EYS: variants seen among roughly 807,000 people sequenced by gnomAD.
The protein encoded by EYS is EGF-like photoreceptor maintenance factor.
Under a neutral mutation model 282.1 loss-of-function variants are expected in EYS, and 250 were observed. That is an observed-to-expected ratio of 0.89 (90% confidence interval 0.80 to 0.98). EYS has a LOEUF of 0.98. Ranked by LOEUF, EYS falls within the 50% of genes least tolerant of loss-of-function variation. EYS has a pLI of 0.00. For synonymous variants in EYS, 1,355 were observed against 1,282.9 expected (o/e 1.06, Z -1.20); for missense variants, 4,016 against 3,709.0 (o/e 1.08, Z -2.15).
chr6:64,289,815 G>C (rs910937552), intron 30 of EYS, among the ~76,000 whole-genome samples: 16 of 152,058 alleles, frequency 1.1e-4, no homozygotes, highest in African/African-American at 3.6e-4. Context: ...GTCATTTCTT[G>C]CTGGGGCTGA....
chr6:63,755,760 T>C (rs1769463837), intron 41 of EYS, among the ~76,000 whole-genome samples: 1 of 152,220 alleles, frequency 6.6e-6, no homozygotes, highest in Admixed American at 6.5e-5. Flanking sequence ...TTCCTACCCA[T>C]GAGCATGGAA....
At chr6:63,748,720 T>C (rs1769269853) in intron 41 of EYS, among the ~76,000 whole-genome samples, 2 of 152,108 alleles carry the variant, frequency 1.3e-5, no homozygotes, top group Non-Finnish European at 2.9e-5. Flanking sequence ...CTTGGGTGGG[T>C]GTATGTATCC....
intron 31 of EYS, among the ~76,000 whole-genome samples, chr6:64,175,477 C>T (rs1764599852): frequency 6.6e-6 from 1 of 152,134 alleles, no homozygotes; most frequent in Non-Finnish European, 1.5e-5. Flanking sequence ...TTCATTTTGC[C>T]CAACTGCTTC....
intron 2 of EYS, among the ~76,000 whole-genome samples, chr6:65,595,241 T>G (rs978853496): frequency 2.0e-5 from 3 of 152,020 alleles, no homozygotes. Flanking sequence ...ACACCACATG[T>G]TCTCACTCAT....
intron 1 of EYS, among the ~76,000 whole-genome samples, chr6:65,706,160 A>G (rs1293158571): frequency 6.6e-6 from 1 of 151,526 alleles, no homozygotes; most frequent in Non-Finnish European, 1.5e-5. Flanking sequence ...ATTGATAGAC[A>G]TATACTCATA....
At chr6:63,840,109 A>G (rs563015414) in intron 36 of EYS, among the ~76,000 whole-genome samples, 362 of 146,300 alleles carry the variant, frequency 2.5e-3, no homozygotes, top group African/African-American at 8.6e-3. Flanking sequence ...GTGTAGTGGC[A>G]TGATCTCTGC....
chr6:63,942,773 T>C (rs1765281560), intron 35 of EYS, among the ~76,000 whole-genome samples: 2 of 152,116 alleles, frequency 1.3e-5, no homozygotes, highest in African/African-American at 4.8e-5. Context: ...ACTGAATGTG[T>C]CTGTCTCTCC....
intron 33 of EYS, among the ~76,000 whole-genome samples, chr6:64,051,135 T>C (rs1475203768): frequency 6.6e-6 from 1 of 152,108 alleles, no homozygotes; most frequent in Non-Finnish European, 1.5e-5. Context: ...AGTATTTTGT[T>C]TATAGAAAAA....
intron 30 of EYS, among the ~76,000 whole-genome samples, chr6:64,296,885 A>G (rs1212875127): frequency 6.6e-6 from 1 of 152,038 alleles, no homozygotes; most frequent in Non-Finnish European, 1.5e-5. Context: ...GATTACAGGC[A>G]TGAGCCACCA....
chr6:64,642,211 G>A (rs543152270), intron 22 of EYS, among the ~76,000 whole-genome samples: 1 of 152,088 alleles, frequency 6.6e-6, no homozygotes. Flanking sequence ...TGTTCTGGTG[G>A]TTACTTAAAG....
At chr6:65,688,538 G>T (rs1418899052) in intron 1 of EYS, among the ~76,000 whole-genome samples, 3 of 151,966 alleles carry the variant, frequency 2.0e-5, no homozygotes, top group Non-Finnish European at 4.4e-5. Flanking sequence ...GACACCAAAA[G>T]CGATGGCAAC....
At chr6:65,188,427 T>C (rs770126079) in intron 12 of EYS, among the ~76,000 whole-genome samples, 1 of 151,640 alleles carries the variant, frequency 6.6e-6, no homozygotes, top group Non-Finnish European at 1.5e-5. Context: ...TACAAGGAAA[T>C]CTTCTATTAA....
intron 15 of EYS, among the ~76,000 whole-genome samples, chr6:64,934,618 G>T (rs1768844509): frequency 6.6e-6 from 1 of 151,136 alleles, no homozygotes; most frequent in East Asian, 2.0e-4. Flanking sequence ...TATTTGAAGT[G>T]CTAAAAGAAA....
At chr6:65,284,057 A>G (rs950574744) in intron 12 of EYS, among the ~76,000 whole-genome samples, 5 of 152,122 alleles carry the variant, frequency 3.3e-5, no homozygotes, top group Non-Finnish European at 7.4e-5. Context: ...GGAAGAGTTG[A>G]AAGATTCTGG....
chr6:64,688,750 C>T (rs1770256019), intron 22 of EYS, among the ~76,000 whole-genome samples: 2 of 152,112 alleles, frequency 1.3e-5, no homozygotes, highest in Non-Finnish European at 2.9e-5. Context: ...CCGCTTGGTG[C>T]AGAGCTGAGT....
At chr6:63,941,070 A>G (rs146717777) in intron 35 of EYS, among the ~76,000 whole-genome samples, 1,548 of 152,182 alleles carry the variant, frequency 0.01, 25 homozygotes, top group Middle Eastern at 0.034. Context: ...CATTTTCTTA[A>G]TCCAGACTAT....
chr6:65,636,157 C>G (rs953770124), intron 2 of EYS, among the ~76,000 whole-genome samples: 2 of 152,194 alleles, frequency 1.3e-5, no homozygotes, highest in African/African-American at 4.8e-5. Context: ...GTCAGAATGA[C>G]CCAGTAAAAC....
chr6:63,746,299 T>G (rs1185409388), intron 41 of EYS, among the ~76,000 whole-genome samples: 1 of 152,236 alleles, frequency 6.6e-6, no homozygotes, highest in East Asian at 1.9e-4. Context: ...TGGATAAGTT[T>G]TTGATGTGCT....
At chr6:65,087,261 T>C (rs1774410660) in intron 12 of EYS, among the ~76,000 whole-genome samples, 1 of 152,134 alleles carries the variant, frequency 6.6e-6, no homozygotes, top group South Asian at 2.1e-4. Flanking sequence ...CCCTTTTCAT[T>C]ATTGCAGATC....
Sources: gnomAD v4.1 joint callset for allele counts (sites outside exome capture counted in the v4.1 genomes callset) on GRCh38, gnomAD v4.1.1 for gene constraint, MANE v1.5 for transcripts, NCBI Gene and HGNC (gene_info 2026-07-23, HGNC 2026-07-21) for gene names.